Variants in GPC5 observed in about 807,000 individuals in gnomAD.
GPC5 encodes glypican 5, also known as glypican-5.
In GPC5, 47 loss-of-function variants were observed where a neutral mutation model predicts 53.9. The observed-to-expected ratio is 0.87, with a 90% CI of 0.69 to 1.11. The LOEUF (loss-of-function observed/expected upper bound fraction) is 1.11, where lower values mean the gene tolerates loss of function less well. Ranked by LOEUF, GPC5 falls within the 50% of genes most tolerant of loss-of-function variation. The pLI is 0.00. For synonymous variants in GPC5, 286 were observed against 263.3 expected (o/e 1.09, Z -0.84); for missense variants, 748 against 713.1 (o/e 1.05, Z -0.56).
At chr13:91,782,525 A>G (rs1295823293) in intron 5 of GPC5, among the ~76,000 whole-genome samples, 3 of 152,094 alleles carry the variant, frequency 2.0e-5, no homozygotes, top group East Asian at 1.9e-4. Flanking sequence ...CTCACTCACT[A>G]TCATGAGAAT....
chr13:91,907,567 A>T lies in GPC5; in HGVS notation c.1281-370A>T, dbSNP rs531826020. On this transcript the variant is annotated intron_variant, in intron 5 of 7. Coordinates refer to ENST00000377067, the MANE Select transcript of GPC5 (RefSeq NM_004466.6). ...CTAATACTTAAAAAATAAGATAAGG[A>T]CTGCATAAAATAAGCTGACTCAGAC... 2.4e-4 allele frequency among the ~76,000 whole-genome samples: 35 copies of T among 148,088 alleles called. No individual in the cohort carries two copies. The East Asian group carries it at 3.4e-3, about 14-fold the overall frequency.
rs756866070 is a variant in GPC5 at position 91,746,063 on chromosome 13, G to A, written c.1155-10232G>A. On this transcript the variant is annotated intron_variant, in intron 4 of 7. Transcript: ENST00000377067. ...AATGATTAAATATAGATTCAGAACAGCAAGAGAAAAGAGTTCTTATCTAGA... is the reference window on the plus strand; with the variant it reads ...AATGATTAAATATAGATTCAGAACAACAAGAGAAAAGAGTTCTTATCTAGA... Among the ~76,000 whole-genome samples, 2 of 152,160 alleles carry A rather than the reference G, an allele frequency of 1.3e-5. 1 individual carries two copies. Among genetic ancestry groups the A allele is most frequent in the South Asian group, 4.1e-4 (2 of 4,832 alleles).
intron 7 of GPC5, among the ~76,000 whole-genome samples, chr13:92,478,225 T>C (rs1165581621): frequency 1.3e-5 from 2 of 152,190 alleles, no homozygotes; most frequent in African/African-American, 4.8e-5. Context: ...AAAAATATTA[T>C]GTGGGAAATT....
intron 7 of GPC5, among the ~76,000 whole-genome samples, chr13:92,705,599 A>G (rs1193795214): frequency 1.3e-5 from 2 of 152,168 alleles, no homozygotes; most frequent in Admixed American, 6.6e-5. Context: ...AAATAAATAC[A>G]TAATGTCATA....
At chr13:91,795,080 A>G (rs2038025642) in intron 5 of GPC5, among the ~76,000 whole-genome samples, 1 of 152,226 alleles carries the variant, frequency 6.6e-6, no homozygotes, top group South Asian at 2.1e-4. Context: ...ATGTCTGCTA[A>G]GATTAAATTA....
intron 7 of GPC5, among the ~76,000 whole-genome samples, chr13:92,725,238 T>C (rs563649498): frequency 1.3e-5 from 2 of 151,658 alleles, no homozygotes; most frequent in South Asian, 2.1e-4. Flanking sequence ...GGAATTGTGA[T>C]TGTCTCATAA....
chr13:92,327,850 C>A (rs566875611), intron 7 of GPC5, among the ~76,000 whole-genome samples: 1 of 152,154 alleles, frequency 6.6e-6, no homozygotes, highest in Non-Finnish European at 1.5e-5. Flanking sequence ...CCAAACACAG[C>A]CTTCTCATTC....
intron 7 of GPC5, among the ~76,000 whole-genome samples, chr13:92,489,045 A>G (rs1879663387): frequency 1.3e-5 from 2 of 152,326 alleles, no homozygotes; most frequent in African/African-American, 4.8e-5. Flanking sequence ...ATTTGACTCA[A>G]TTATGCACAA....
At chr13:91,866,199 G>A (rs2039083377) in intron 5 of GPC5, among the ~76,000 whole-genome samples, 1 of 152,156 alleles carries the variant, frequency 6.6e-6, no homozygotes, top group Non-Finnish European at 1.5e-5. Flanking sequence ...GCTTCTGAAA[G>A]TTTCAAAGAA....
intron 5 of GPC5, among the ~76,000 whole-genome samples, chr13:91,770,926 A>C (rs375756811): frequency 1.6e-4 from 24 of 152,288 alleles, no homozygotes; most frequent in African/African-American, 5.3e-4. Flanking sequence ...TACCTGTAAA[A>C]AATAAAAACT....
At chr13:91,697,972 G>A (rs977869758) in intron 3 of GPC5, among the ~76,000 whole-genome samples, 1 of 151,254 alleles carries the variant, frequency 6.6e-6, no homozygotes, top group African/African-American at 2.4e-5. Context: ...CGCGATCTTG[G>A]CTCACTGCAT....
intron 5 of GPC5, among the ~76,000 whole-genome samples, chr13:91,885,539 C>A (rs1566322393): frequency 1.3e-5 from 2 of 152,158 alleles, no homozygotes; most frequent in Admixed American, 1.3e-4. Context: ...TTTCCCAATA[C>A]ACAAACCATT....
chr13:92,575,640 A>G (rs1453174291), intron 7 of GPC5, among the ~76,000 whole-genome samples: 1 of 152,188 alleles, frequency 6.6e-6, no homozygotes, highest in Non-Finnish European at 1.5e-5. Flanking sequence ...CCTGTCTTTC[A>G]GAAGTCCTCC....
chr13:92,254,983 T>C (rs1179095426), intron 7 of GPC5, among the ~76,000 whole-genome samples: 2 of 152,102 alleles, frequency 1.3e-5, no homozygotes, highest in Non-Finnish European at 2.9e-5. Context: ...GACCCCAAAA[T>C]AATAATACAA....
At chr13:91,963,708 A>G (rs1234514803) in intron 6 of GPC5, among the ~76,000 whole-genome samples, 2 of 152,170 alleles carry the variant, frequency 1.3e-5, no homozygotes, top group Non-Finnish European at 2.9e-5. Flanking sequence ...AGAGGTGGGA[A>G]GTAATGGCAG....
intron 7 of GPC5, among the ~76,000 whole-genome samples, chr13:92,674,243 A>C (rs1594408951): frequency 6.6e-6 from 1 of 152,136 alleles, no homozygotes; most frequent in African/African-American, 2.4e-5. Flanking sequence ...TAATGCTTGT[A>C]ACAAGCCTAT....
intron 7 of GPC5, among the ~76,000 whole-genome samples, chr13:92,363,621 T>C (rs1326177216): frequency 6.6e-6 from 1 of 151,738 alleles, no homozygotes; most frequent in Non-Finnish European, 1.5e-5. Flanking sequence ...TGCAGCCTGG[T>C]ACCAGTCCAG....
At chr13:91,965,014 G>A (rs970216320) in intron 6 of GPC5, among the ~76,000 whole-genome samples, 9 of 147,408 alleles carry the variant, frequency 6.1e-5, no homozygotes, top group African/African-American at 1.3e-4. Context: ...ATTCTCACTC[G>A]TAGGTGGGAA....
intron 1 of GPC5, among the ~76,000 whole-genome samples, chr13:91,423,572 A>AG (rs1316768851): frequency 4.0e-5 from 6 of 151,582 alleles, no homozygotes; most frequent in African/African-American, 1.2e-4. Context: ...TTACCAGTAG[A>AG]GGGGGGGTGT....
Sources: allele counts gnomAD v4.1 joint callset (sites outside exome capture counted in the v4.1 genomes callset), GRCh38; gene constraint gnomAD v4.1.1; transcripts MANE v1.5; gene names NCBI Gene and HGNC (gene_info 2026-07-23, HGNC 2026-07-21).